CLIC5: variants seen among roughly 807,000 people sequenced by gnomAD.
CLIC5 encodes CLIC family member 5.
In CLIC5, 20 loss-of-function variants were observed where a neutral mutation model predicts 24.7. The observed-to-expected ratio is 0.81, with a 90% CI of 0.57 to 1.18. The LOEUF (loss-of-function observed/expected upper bound fraction) is 1.18, where lower values mean the gene tolerates loss of function less well. CLIC5 is among the 50% of genes most tolerant of loss of function. CLIC5 has a pLI of 0.00. For missense variants in CLIC5, 341 were observed against 326.1 expected, an observed-to-expected ratio of 1.05 and a Z score of -0.35; for synonymous variants, 159 against 135.6, an observed-to-expected ratio of 1.17 and a Z score of -1.20.
upstream of CLIC5, among the ~76,000 whole-genome samples, chr6:46,018,339 A>G (rs944996221): frequency 6.6e-6 from 1 of 152,222 alleles, no homozygotes; most frequent in Non-Finnish European, 1.5e-5. Context: ...TCCCAAACCT[A>G]TCAGAGTTAA....
the CLIC5 span, among the ~76,000 whole-genome samples, chr6:46,110,983 G>A: frequency 8.5e-5 from 13 of 152,138 alleles, no homozygotes; most frequent in Non-Finnish European, 1.3e-4. Context: ...ACTGGGGAGA[G>A]AAAAAATTAT....
At chr6:46,077,342 C>A (rs1023897243) in intron 1 of CLIC5, among the ~76,000 whole-genome samples, 1 of 152,030 alleles carries the variant, frequency 6.6e-6, no homozygotes, top group African/African-American at 2.4e-5. Context: ...AGTATCAATG[C>A]AGCCCAGTGG....
intron 1 of CLIC5, among the ~76,000 whole-genome samples, chr6:46,059,744 G>C (rs986630820): frequency 6.6e-6 from 1 of 152,244 alleles, no homozygotes; most frequent in South Asian, 2.1e-4. Flanking sequence ...ACTAAAGTCA[G>C]TTTGCACTCA....
rs74909329 is a variant in CLIC5, at chr6:45,976,539, T to C, written c.64-21295A>G. ...GTTAGACATAGAAGCTTACATTTAATAAAGGTTGGTGCAAACGTAATTGCT... is the reference window on the plus strand; with the variant it reads ...GTTAGACATAGAAGCTTACATTTAACAAAGGTTGGTGCAAACGTAATTGCT... On this transcript the variant is annotated intron_variant, in intron 1 of 5. Coordinates refer to ENST00000339561, the MANE Select transcript of CLIC5 (RefSeq NM_016929.5). 4.2e-3 allele frequency among the ~76,000 whole-genome samples: 633 copies of C among 152,324 alleles called. 8 individuals are homozygous for C. Among genetic ancestry groups the C allele is most frequent in the African/African-American group, 0.015 (607 of 41,572 alleles).
the CLIC5 span, among the ~76,000 whole-genome samples, chr6:46,098,418 C>T: frequency 6.6e-6 from 1 of 152,280 alleles, no homozygotes; most frequent in African/African-American, 2.4e-5. Flanking sequence ...CTACCAGTTT[C>T]CCAAATTCTG....
chr6:45,973,505 G>T (rs941355046), intron 1 of CLIC5, among the ~76,000 whole-genome samples: 1 of 129,228 alleles, frequency 7.7e-6, no homozygotes, highest in Admixed American at 7.5e-5. Context: ...GGGTGTTTTT[G>T]TTTGTTTGTT....
intron 1 of CLIC5, among the ~76,000 whole-genome samples, chr6:46,074,575 G>A (rs202150133): frequency 5.9e-5 from 9 of 152,126 alleles, no homozygotes; most frequent in African/African-American, 1.9e-4. Context: ...GTGCATCCCC[G>A]CATGAGGGCC....
the CLIC5 span, among the ~76,000 whole-genome samples, chr6:46,117,242 C>A: frequency 1.3e-5 from 2 of 152,154 alleles, no homozygotes; most frequent in Non-Finnish European, 2.9e-5. Context: ...TTACCCCTTA[C>A]TACCTAATCT....
At chr6:45,917,429 C>A (rs1018692582) in intron 4 of CLIC5, among the ~76,000 whole-genome samples, 8 of 152,170 alleles carry the variant, frequency 5.3e-5, no homozygotes, top group African/African-American at 1.9e-4. Context: ...CTGAATATCC[C>A]AAGGTGCAGT....
intron 4 of CLIC5, chr6:45,920,461 C>T: frequency 2.7e-6 from 1 of 370,774 alleles, no homozygotes; most frequent in Non-Finnish European, 3.7e-6. Flanking sequence ...GTTGATATAA[C>T]CAAAGGGTGC....
intron 1 of CLIC5, among the ~76,000 whole-genome samples, chr6:46,034,287 A>T (rs1767601509): frequency 6.6e-6 from 1 of 152,246 alleles, no homozygotes; most frequent in Non-Finnish European, 1.5e-5. Context: ...TTCCCCAGGT[A>T]ATTCTAACTT....
At chr6:46,014,094 G>A (rs1408307445) in intron 1 of CLIC5, among the ~76,000 whole-genome samples, 3 of 152,244 alleles carry the variant, frequency 2.0e-5, no homozygotes, top group Non-Finnish European at 2.9e-5. Context: ...ACAGTGGGAA[G>A]AGAACAGGCT....
chr6:46,012,989 T>C lies in CLIC5; in HGVS notation c.63+2491A>G, dbSNP rs2127444017. ...TCTTTCCTTCTTCTTATCATTATCA[T>C]TATCAGCAGTAGTAGTAACAGATAA... On this transcript the variant is annotated intron_variant, in intron 1 of 5. Transcript: ENST00000339561. Among the ~76,000 whole-genome samples the C allele has an allele frequency of 2.0e-5, 3 of 152,348 alleles. 1 individual carries two copies. Among genetic ancestry groups the C allele is most frequent in the Non-Finnish European group, 4.4e-5 (3 of 68,026 alleles).
chr6:46,008,555 C>A (rs1347165677), intron 1 of CLIC5, among the ~76,000 whole-genome samples: 1 of 152,140 alleles, frequency 6.6e-6, no homozygotes, highest in African/African-American at 2.4e-5. Context: ...TCCCCCAGCC[C>A]CCTTCAGCTT....
At chr6:46,079,736 A>C (rs1379991315) in exon 1 of CLIC5, 6 of 1,551,738 alleles carry the variant, frequency 3.9e-6, no homozygotes, top group Non-Finnish European at 5.2e-6. Context: ...GGTTCATGTG[A>C]GCTCCCTCCT....
intron 1 of CLIC5, among the ~76,000 whole-genome samples, chr6:45,984,042 C>T (rs1244147974): frequency 1.3e-5 from 2 of 152,106 alleles, no homozygotes; most frequent in Non-Finnish European, 2.9e-5. Context: ...AACATCATCA[C>T]AGAGATGAAT....
At chr6:46,022,036 C>A (rs1323150180) in intron 1 of CLIC5, among the ~76,000 whole-genome samples, 1 of 152,226 alleles carries the variant, frequency 6.6e-6, no homozygotes, top group Non-Finnish European at 1.5e-5. Flanking sequence ...TAACATCAGA[C>A]CTCATCTTAC....
intron 2 of CLIC5, among the ~76,000 whole-genome samples, chr6:45,954,594 A>G (rs1764582058): frequency 1.3e-5 from 2 of 152,234 alleles, no homozygotes; most frequent in African/African-American, 4.8e-5. Context: ...TGTAGGAGTG[A>G]AAAGAGTGTG....
chr6:46,008,096 A>T (rs1395923320), intron 1 of CLIC5, among the ~76,000 whole-genome samples: 4 of 152,076 alleles, frequency 2.6e-5, no homozygotes, highest in Non-Finnish European at 4.4e-5. Context: ...AACATAACCC[A>T]AGTCAATCTC....
Sources: gnomAD v4.1 joint callset for allele counts (sites outside exome capture counted in the v4.1 genomes callset) on GRCh38, gnomAD v4.1.1 for gene constraint, MANE v1.5 for transcripts, NCBI Gene and HGNC (gene_info 2026-07-23, HGNC 2026-07-21) for gene names.